Variants in MLLT10 observed in about 807,000 individuals in gnomAD.
The protein encoded by MLLT10 is MLLT10 histone lysine methyltransferase DOT1L cofactor, also known as protein AF-10.
Under a neutral mutation model 129.1 loss-of-function variants are expected in MLLT10, and 30 were observed. The observed-to-expected ratio is 0.23, with a 90% CI of 0.17 to 0.32. The LOEUF (loss-of-function observed/expected upper bound fraction) is 0.32, where lower values mean the gene tolerates loss of function less well. Ranked by LOEUF, MLLT10 falls within the 10% of genes least tolerant of loss-of-function variation. MLLT10 has a pLI of 1.00. For synonymous variants in MLLT10, 490 were observed against 446.4 expected, an observed-to-expected ratio of 1.10 and a Z score of -1.23; for missense variants, 1,119 against 1,268.3, an observed-to-expected ratio of 0.88 and a Z score of 1.79.
At chr10:21,543,189 T>C (rs7901037) in intron 3 of MLLT10, among the ~76,000 whole-genome samples, 4,596 of 152,196 alleles carry the variant, frequency 0.03, 234 homozygotes, top group African/African-American at 0.1. Flanking sequence ...GGCACAATCT[T>C]GGCTCACCAC....
At chr10:21,615,989 T>C (rs2045215208) in intron 7 of MLLT10, among the ~76,000 whole-genome samples, 1 of 152,140 alleles carries the variant, frequency 6.6e-6, no homozygotes. Context: ...AATTATTATA[T>C]TTCCCTTGTG....
chr10:21,678,466 G>A (rs1365924050), intron 11 of MLLT10, among the ~76,000 whole-genome samples: 2 of 152,086 alleles, frequency 1.3e-5, no homozygotes, highest in Non-Finnish European at 2.9e-5. Context: ...TTATTAAGTT[G>A]GAAAAGATCA....
intron 14 of MLLT10, among the ~76,000 whole-genome samples, chr10:21,714,347 T>TA (rs34510047): frequency 2.0e-5 from 3 of 151,924 alleles, no homozygotes; most frequent in Middle Eastern, 3.2e-3. Context: ...TTTAAAGTTT[T>TA]AAAAAAAACC....
chr10:21,559,691 G>A (rs2038548767), intron 3 of MLLT10, among the ~76,000 whole-genome samples: 1 of 152,122 alleles, frequency 6.6e-6, no homozygotes, highest in African/African-American at 2.4e-5. Flanking sequence ...ACTCATGTAA[G>A]TGGAATCTTA....
chr10:21,595,618 A>T (rs1170841640), intron 5 of MLLT10, 178 bp downstream of exon 5: 2 of 490,204 alleles, frequency 4.1e-6, no homozygotes, highest in African/African-American at 3.8e-5. Context: ...TCACAGGAGT[A>T]CAAAGCAAGC....
intron 5 of MLLT10, among the ~76,000 whole-genome samples, chr10:21,607,892 T>A (rs1016692985): frequency 2.0e-5 from 3 of 151,810 alleles, no homozygotes; most frequent in African/African-American, 7.2e-5. Context: ...TTAGTATTTC[T>A]TTTTTGTCAC....
intron 3 of MLLT10, among the ~76,000 whole-genome samples, chr10:21,563,385 T>G (rs1016866877): frequency 6.6e-6 from 1 of 151,896 alleles, no homozygotes; most frequent in East Asian, 1.9e-4. Flanking sequence ...TAGCCAGGTG[T>G]GATGGCGGGC....
intron 3 of MLLT10, among the ~76,000 whole-genome samples, chr10:21,567,797 A>G (rs913745028): frequency 3.3e-5 from 5 of 150,276 alleles, no homozygotes; most frequent in Admixed American, 2.6e-4. Flanking sequence ...GTCTGGAGAG[A>G]GAAGGCTTTT....
chr10:21,669,325 CT>C (rs1349012584), intron 9 of MLLT10, among the ~76,000 whole-genome samples: 1 of 152,072 alleles, frequency 6.6e-6, no homozygotes, highest in African/African-American at 2.4e-5. Flanking sequence ...TCTTATTCCT[CT>C]TTTTGAAATT....
chr10:21,567,536 G>A lies in MLLT10; in HGVS notation c.241-18758G>A, dbSNP rs370717382. ...TTCCCTACTTTTCTCCACTGACACA[G>A]TAGGGAGTGGATGCTCATTAACTAG... On this transcript the variant is annotated intron_variant, in intron 3 of 22. Transcript: ENST00000307729. 2.6e-5 allele frequency among the ~76,000 whole-genome samples: 4 copies of A among 152,282 alleles called. No individual in the cohort carries two copies. The East Asian group carries it at 7.7e-4, about 29-fold the overall frequency.
chr10:21,644,860 G>A (rs555037536), intron 8 of MLLT10, among the ~76,000 whole-genome samples: 2 of 152,114 alleles, frequency 1.3e-5, no homozygotes, highest in Admixed American at 6.6e-5. Flanking sequence ...CCAACTCCTG[G>A]CCTCAAGTGA....
At chr10:21,706,459 G>A (rs1479192673) in intron 13 of MLLT10, among the ~76,000 whole-genome samples, 2 of 152,206 alleles carry the variant, frequency 1.3e-5, no homozygotes, top group Non-Finnish European at 2.9e-5. Flanking sequence ...TTGCACGAGG[G>A]AGCAGGATTT....
At chr10:21,629,242 G>A (rs1008622016) in intron 8 of MLLT10, among the ~76,000 whole-genome samples, 4 of 151,364 alleles carry the variant, frequency 2.6e-5, no homozygotes, top group African/African-American at 4.9e-5. Context: ...GAAGTCACAC[G>A]GTATCATTTT....
At chr10:21,625,981 A>G (rs2046390574) in intron 8 of MLLT10, 1 of 891,338 alleles carries the variant, frequency 1.1e-6, no homozygotes, top group Admixed American at 1.7e-5. Flanking sequence ...CAGAGTACAC[A>G]CTGTTTGGTG....
chr10:21,560,407 T>C (rs1195018133), intron 3 of MLLT10, among the ~76,000 whole-genome samples: 1 of 152,198 alleles, frequency 6.6e-6, no homozygotes, highest in Non-Finnish European at 1.5e-5. Flanking sequence ...CAAGTCTTTT[T>C]CAGTTTTCTT....
intron 3 of MLLT10, among the ~76,000 whole-genome samples, chr10:21,562,085 C>T (rs1488252468): frequency 1.3e-5 from 2 of 151,966 alleles, no homozygotes; most frequent in Admixed American, 6.6e-5. Context: ...GGATTACAGG[C>T]GTGAGCCACT....
At chr10:21,573,424 A>C (rs1212779863) in intron 3 of MLLT10, among the ~76,000 whole-genome samples, 1 of 152,230 alleles carries the variant, frequency 6.6e-6, no homozygotes, top group Non-Finnish European at 1.5e-5. Flanking sequence ...TGGAGAATAC[A>C]CAGCTGAGTA....
Position 21,732,933 on chromosome 10 carries a change from A to G in MLLT10, c.2253A>G (p.Gln751=), listed in dbSNP as rs1396356371. 2.5e-6 allele frequency: 4 copies of G among 1,613,980 alleles called. No individual in the cohort carries two copies. The highest frequency in any genetic ancestry group is 3.4e-6 in the Non-Finnish European group (4 of 1,179,952). ...LGMLKSLHQL[Q]VENRRLEEQI... ...TGCTGAAGTCATTACACCAACTTCA[A>G]GTTGAAAACCGAAGATTAGAGGAAC... The change falls in exon 18 of 23, where the codon CAA becomes CAG. Residue 751 remains glutamine, a synonymous_variant. Coordinates refer to ENST00000307729, the MANE Select transcript of MLLT10 (RefSeq NM_001195626.3).
chr10:21,556,760 G>C, intron 3 of MLLT10: 1 of 1,607,186 alleles, frequency 6.2e-7, no homozygotes, highest in African/African-American at 1.3e-5. Context: ...CGTTCCTCCA[G>C]TTTCTGGTGC....
Sources: gnomAD v4.1 joint callset for allele counts (sites outside exome capture counted in the v4.1 genomes callset) on GRCh38, gnomAD v4.1.1 for gene constraint, MANE v1.5 for transcripts, NCBI Gene and HGNC (gene_info 2026-07-23, HGNC 2026-07-21) for gene names.